The following GRM8 variants were observed in gnomAD, a reference collection of about 807,000 sequenced individuals.
GRM8 encodes the protein glutamate metabotropic receptor 8, also known as metabotropic glutamate receptor 8.
A neutral mutation model predicts 87.2 loss-of-function variants in GRM8; 47 were observed. The observed-to-expected ratio is 0.54, with a 90% CI of 0.43 to 0.69. GRM8 has a LOEUF of 0.69. GRM8 is among the 30% of genes least tolerant of loss of function. The pLI, the probability that GRM8 is intolerant of heterozygous loss-of-function variation, is 0.00. For missense variants in GRM8, 1,019 were observed against 1,139.2 expected (o/e 0.89, Z 1.52); for synonymous variants, 396 against 404.5 (o/e 0.98, Z 0.25).
At chr7:127,237,382 T>C (rs1186574074) in intron 2 of GRM8, among the ~76,000 whole-genome samples, 1 of 152,224 alleles carries the variant, frequency 6.6e-6, no homozygotes, top group Non-Finnish European at 1.5e-5. Context: ...TATGGCAGAT[T>C]TACCTTTTCA....
chr7:126,653,395 C>CAG (rs1804157699), intron 7 of GRM8, among the ~76,000 whole-genome samples: 1 of 151,398 alleles, frequency 6.6e-6, no homozygotes, highest in Admixed American at 6.6e-5. Flanking sequence ...ATTTATTTCA[C>CAG]AGAAATGGCC....
At chr7:127,109,335 AG>A (rs1380287508) in intron 2 of GRM8, among the ~76,000 whole-genome samples, 1 of 152,136 alleles carries the variant, frequency 6.6e-6, no homozygotes, top group Non-Finnish European at 1.5e-5. Context: ...TAAAAAAAAA[AG>A]TAGTGTCTTT....
intron 3 of GRM8, among the ~76,000 whole-genome samples, chr7:126,915,523 G>A (rs543131237): frequency 1.3e-5 from 2 of 152,220 alleles, no homozygotes; most frequent in South Asian, 2.1e-4. Flanking sequence ...ATATAGAGTC[G>A]GCTGCAGAAA....
chr7:126,578,936 T>C (rs1247384429), intron 8 of GRM8, among the ~76,000 whole-genome samples: 2 of 152,134 alleles, frequency 1.3e-5, no homozygotes, highest in Non-Finnish European at 2.9e-5. Context: ...GTCATAACCC[T>C]ACAAGGAAAT....
intron 7 of GRM8, among the ~76,000 whole-genome samples, chr7:126,672,139 C>G (rs1806450604): frequency 6.6e-6 from 1 of 152,172 alleles, no homozygotes; most frequent in Non-Finnish European, 1.5e-5. Flanking sequence ...TAAATGAGGA[C>G]TAAGGAACTC....
chr7:126,688,266 G>A (rs1334922666), intron 7 of GRM8, among the ~76,000 whole-genome samples: 1 of 152,106 alleles, frequency 6.6e-6, no homozygotes, highest in Non-Finnish European at 1.5e-5. Context: ...GTCATAGATG[G>A]GTAAAGTGAA....
chr7:126,742,234 T>C (rs940676747), intron 7 of GRM8, among the ~76,000 whole-genome samples: 2 of 152,082 alleles, frequency 1.3e-5, no homozygotes, highest in African/African-American at 4.8e-5. Flanking sequence ...AGTAATTAAA[T>C]TAAAATATTG....
At chr7:126,570,419 C>T (rs1034381888) in intron 8 of GRM8, among the ~76,000 whole-genome samples, 2 of 152,144 alleles carry the variant, frequency 1.3e-5, no homozygotes, top group African/African-American at 2.4e-5. Context: ...CATTAAGCCA[C>T]TCCAGCTGCA....
intron 2 of GRM8, among the ~76,000 whole-genome samples, chr7:127,222,160 C>T (rs887021515): frequency 6.6e-6 from 1 of 152,194 alleles, no homozygotes; most frequent in Non-Finnish European, 1.5e-5. Context: ...AATCCCAGCA[C>T]TTTGGGAGGC....
At chr7:127,028,871 C>T (rs1186337669) in intron 3 of GRM8, among the ~76,000 whole-genome samples, 1 of 152,088 alleles carries the variant, frequency 6.6e-6, no homozygotes, top group Non-Finnish European at 1.5e-5. Flanking sequence ...TTCTTGTCTT[C>T]TGCTAGCTTT....
intron 3 of GRM8, among the ~76,000 whole-genome samples, chr7:127,040,626 G>C (rs1818340754): frequency 1.3e-5 from 2 of 150,218 alleles, no homozygotes; most frequent in Non-Finnish European, 3.0e-5. Context: ...AAAGAGACTG[G>C]CTACCCAAAT....
At chr7:126,754,770 G>T (rs1464031357) in intron 7 of GRM8, among the ~76,000 whole-genome samples, 1 of 151,844 alleles carries the variant, frequency 6.6e-6, no homozygotes, top group African/African-American at 2.4e-5. Context: ...ACCTGTGGTA[G>T]GACTTAAAGC....
At chr7:126,657,497 T>C (rs1585401300) in intron 7 of GRM8, among the ~76,000 whole-genome samples, 1 of 152,160 alleles carries the variant, frequency 6.6e-6, no homozygotes. Context: ...AAATATAAAT[T>C]TCTAACGTTT....
intron 7 of GRM8, among the ~76,000 whole-genome samples, chr7:126,755,076 G>GTTCAA (rs1816851154): frequency 6.6e-6 from 1 of 151,932 alleles, no homozygotes; most frequent in South Asian, 2.1e-4. Flanking sequence ...CAAAACTGAT[G>GTTCAA]AAGCACATAA....
intron 7 of GRM8, among the ~76,000 whole-genome samples, chr7:126,632,439 G>A (rs1011696983): frequency 2.6e-5 from 4 of 152,152 alleles, no homozygotes; most frequent in African/African-American, 9.7e-5. Flanking sequence ...TGGTGGGAAT[G>A]TAAATTAATT....
At chr7:126,914,277 T>G (rs1320468913) in intron 3 of GRM8, among the ~76,000 whole-genome samples, 2 of 152,200 alleles carry the variant, frequency 1.3e-5, no homozygotes, top group Non-Finnish European at 2.9e-5. Flanking sequence ...AATAACATGT[T>G]GATGAGGCTA....
chr7:126,892,824 C>T (rs915326678), intron 6 of GRM8, among the ~76,000 whole-genome samples: 1 of 152,090 alleles, frequency 6.6e-6, no homozygotes, highest in African/African-American at 2.4e-5. Context: ...TTAATGACTG[C>T]CATTCTAACT....
intron 3 of GRM8, among the ~76,000 whole-genome samples, chr7:126,956,664 G>A (rs1367908767): frequency 6.6e-6 from 1 of 152,086 alleles, no homozygotes. Context: ...GAGAACTGAA[G>A]AGGCTACAAC....
chr7:127,220,168 A>G (rs1796828818), intron 2 of GRM8, among the ~76,000 whole-genome samples: 1 of 152,186 alleles, frequency 6.6e-6, no homozygotes. Flanking sequence ...AACTTCGAAC[A>G]GCTCCAGGAC....
Sources: gnomAD v4.1 joint callset for allele counts (sites outside exome capture counted in the v4.1 genomes callset) on GRCh38, gnomAD v4.1.1 for gene constraint, MANE v1.5 for transcripts, NCBI Gene and HGNC (gene_info 2026-07-23, HGNC 2026-07-21) for gene names.